The following NREP variants were observed in gnomAD, a reference collection of about 807,000 sequenced individuals.
NREP encodes the protein neuronal regeneration-related protein.
Under a neutral mutation model 8.6 loss-of-function variants are expected in NREP, and 5 were observed. That is an observed-to-expected ratio of 0.58 (90% CI 0.30 to 1.22). The LOEUF (loss-of-function observed/expected upper bound fraction) is 1.22. Ranked by LOEUF, NREP falls within the 50% of genes most tolerant of loss-of-function variation. NREP has a pLI of 0.07. For synonymous variants in NREP, 27 were observed against 28.0 expected (o/e 0.96, Z 0.11); for missense variants, 86 against 82.5 (o/e 1.04, Z -0.17).
At chr5:111,777,712 T>G (rs1316908014) in intron 2 of NREP, among the ~76,000 whole-genome samples, 1 of 152,106 alleles carries the variant, frequency 6.6e-6, no homozygotes, top group East Asian at 1.9e-4. Context: ...GCAACGTTTT[T>G]GAGGGCATGG....
chr5:111,907,261 C>T (rs1366401901), intron 2 of NREP, among the ~76,000 whole-genome samples: 1 of 151,974 alleles, frequency 6.6e-6, no homozygotes, highest in African/African-American at 2.4e-5. Flanking sequence ...AACGTATCTT[C>T]AAACCCAATG....
intron 3 of NREP, 69 bp from the exon 4 acceptor site, chr5:111,731,115 C>T: frequency 1.9e-6 from 3 of 1,571,284 alleles, no homozygotes; most frequent in Non-Finnish European, 1.7e-6. Context: ...GCTTCTGAAA[C>T]CATTTTTTAA....
intron 2 of NREP, among the ~76,000 whole-genome samples, chr5:111,926,065 G>A (rs2112588985): frequency 6.6e-6 from 1 of 152,218 alleles, no homozygotes; most frequent in East Asian, 1.9e-4. Flanking sequence ...GCTAGATTTT[G>A]GAAAGCCTCT....
intron 2 of NREP, among the ~76,000 whole-genome samples, chr5:111,841,577 G>A (rs1753031046): frequency 6.6e-6 from 1 of 152,104 alleles, no homozygotes; most frequent in African/African-American, 2.4e-5. Context: ...AGACTAGAAG[G>A]GTAGACAGGG....
At chr5:111,746,806 T>C (rs969758553) in intron 2 of NREP, among the ~76,000 whole-genome samples, 1 of 152,186 alleles carries the variant, frequency 6.6e-6, no homozygotes, top group African/African-American at 2.4e-5. Flanking sequence ...CTAGTTCATA[T>C]GATTTATCTA....
intron 2 of NREP, among the ~76,000 whole-genome samples, chr5:111,963,967 A>G (rs1756556224): frequency 6.6e-6 from 1 of 152,246 alleles, no homozygotes; most frequent in Non-Finnish European, 1.5e-5. Flanking sequence ...TTAAACAGAT[A>G]TACATTTTAA....
intron 2 of NREP, among the ~76,000 whole-genome samples, chr5:111,957,505 T>C (rs1756357793): frequency 6.6e-6 from 1 of 151,946 alleles, no homozygotes; most frequent in South Asian, 2.1e-4. Context: ...AAGGCATAGA[T>C]AACCCCTATT....
intron 2 of NREP, among the ~76,000 whole-genome samples, chr5:111,826,820 C>T (rs930173360): frequency 1.3e-5 from 2 of 152,170 alleles, no homozygotes; most frequent in Non-Finnish European, 2.9e-5. Context: ...TAGCCCTGAG[C>T]CACCACACCT....
chr5:111,735,059 C>T (rs1748978537), intron 3 of NREP: 1 of 333,756 alleles, frequency 3.0e-6, no homozygotes, highest in East Asian at 5.2e-5. Context: ...TCTTATCAGA[C>T]CTTCAGACTT....
chr5:111,802,408 GA>G (rs1752034556), intron 2 of NREP, among the ~76,000 whole-genome samples: 1 of 152,136 alleles, frequency 6.6e-6, no homozygotes, highest in African/African-American at 2.4e-5. Flanking sequence ...GCCTAGTCTT[GA>G]AAACACTGGG....
chr5:111,799,041 A>T (rs1751940751), intron 2 of NREP, among the ~76,000 whole-genome samples: 1 of 152,192 alleles, frequency 6.6e-6, no homozygotes, highest in African/African-American at 2.4e-5. Context: ...CATTCCCACC[A>T]ACAGGGTAAA....
intron 2 of NREP, among the ~76,000 whole-genome samples, chr5:111,816,039 T>C (rs1017700618): frequency 6.6e-6 from 1 of 152,164 alleles, no homozygotes; most frequent in Non-Finnish European, 1.5e-5. Flanking sequence ...ACAAGATTAA[T>C]GAAAGCCAGA....
chr5:111,960,748 T>C (rs1003739739), intron 2 of NREP, among the ~76,000 whole-genome samples: 1 of 152,224 alleles, frequency 6.6e-6, no homozygotes, highest in African/African-American at 2.4e-5. Flanking sequence ...TCTCATTGTA[T>C]CTAAACTTAA....
At chr5:111,735,603 G>T in intron 2 of NREP, 96 bp from the exon 3 acceptor site, 1 of 813,916 alleles carries the variant, frequency 1.2e-6, no homozygotes, top group Non-Finnish European at 2.0e-6. Flanking sequence ...CTCCTCAATG[G>T]TTACTTATTC....
At chr5:111,819,647 A>T (rs1328861133) in intron 2 of NREP, among the ~76,000 whole-genome samples, 1 of 152,246 alleles carries the variant, frequency 6.6e-6, no homozygotes, top group Non-Finnish European at 1.5e-5. Context: ...GCCTCTGGTC[A>T]TAACATTTTC....
At chr5:111,749,401 A>T (rs1750211925) in intron 2 of NREP, among the ~76,000 whole-genome samples, 1 of 151,822 alleles carries the variant, frequency 6.6e-6, no homozygotes, top group Admixed American at 6.6e-5. Flanking sequence ...CCAAGGTAAC[A>T]TTCTGTGCTA....
At chr5:111,753,486 G>A (rs1451615636) in intron 2 of NREP, among the ~76,000 whole-genome samples, 2 of 151,336 alleles carry the variant, frequency 1.3e-5, no homozygotes, top group East Asian at 1.9e-4. Context: ...TTTTAGATAC[G>A]TAAAAAGTCT....
At chr5:111,896,931 T>A (rs1278435530) in intron 2 of NREP, among the ~76,000 whole-genome samples, 1 of 152,150 alleles carries the variant, frequency 6.6e-6, no homozygotes, top group African/African-American at 2.4e-5. Context: ...AACCCTCAAT[T>A]AAATACCATA....
At chr5:111,906,569 TA>T (rs1449755826) in intron 2 of NREP, among the ~76,000 whole-genome samples, 5 of 152,112 alleles carry the variant, frequency 3.3e-5, no homozygotes, top group Non-Finnish European at 7.4e-5. Context: ...CCTTAGATAA[TA>T]AAGCATTTTA....
Sources: gnomAD v4.1 joint callset for allele counts (sites outside exome capture counted in the v4.1 genomes callset) on GRCh38, gnomAD v4.1.1 for gene constraint, MANE v1.5 for transcripts, NCBI Gene and HGNC (gene_info 2026-07-23, HGNC 2026-07-21) for gene names.